The following C2CD3 variants were observed in gnomAD, a reference collection of about 807,000 sequenced individuals.
The protein encoded by C2CD3 is C2 domain-containing protein 3.
A neutral mutation model predicts 234.0 loss-of-function variants in C2CD3; 148 were observed. That is an observed-to-expected ratio of 0.63 (90% CI 0.55 to 0.72). The LOEUF (loss-of-function observed/expected upper bound fraction) is 0.72. Among genes scored for constraint, C2CD3 ranks in the 30% least tolerant of loss-of-function variants. The probability of loss-of-function intolerance (pLI) is 0.00; values close to 1 mark genes in which losing one functional copy is unlikely to be tolerated. For synonymous variants in C2CD3, 1,000 were observed against 1,035.4 expected, an observed-to-expected ratio of 0.97 and a Z score of 0.66; for missense variants, 2,577 against 2,811.5, an observed-to-expected ratio of 0.92 and a Z score of 1.89.
chr11:74,141,329 T>G (rs539188404), intron 3 of C2CD3, among the ~76,000 whole-genome samples: 1 of 152,198 alleles, frequency 6.6e-6, no homozygotes, highest in African/African-American at 2.4e-5. Context: ...AGCAATGCGG[T>G]GGGATGAATA....
chr11:74,107,525 C>T, intron 12 of C2CD3, among the ~76,000 whole-genome samples: 1 of 152,052 alleles, frequency 6.6e-6, no homozygotes, highest in East Asian at 1.9e-4. Context: ...CTAAAAGTTT[C>T]TAATAATATT....
chr11:74,033,730 G>A lies in C2CD3; in HGVS notation c.6430C>T (p.Gln2144Ter), dbSNP rs1482634158. The A allele has an allele frequency of 1.3e-6, 2 of 1,536,300 alleles. No individual in the cohort carries two copies. Among genetic ancestry groups the A allele is most frequent in the African/African-American group, 1.4e-5 (1 of 73,038 alleles). The change falls in exon 31 of 33, where the codon CAG becomes TAG. Residue 2144 changes from glutamine to a stop codon, truncating the protein, a stop_gained. Coordinates refer to ENST00000334126, the MANE Select transcript of C2CD3 (RefSeq NM_001286577.2). LOFTEE classifies it high-confidence loss of function. ...ERAVNPHLPR[Q>*]GSPSQSLVAC... ...ACAAGACTTTGGCTAGGAGAACCCT[G>A]CCTAGGCAGGTGGGGGTTGACAGCC...
rs1358472054 is a variant in C2CD3 at position 74,117,813 on chromosome 11, TG to T, written c.1520+414del. On this transcript the variant is annotated intron_variant, in intron 9 of 32. Coordinates refer to ENST00000334126, the MANE Select transcript of C2CD3 (RefSeq NM_001286577.2). The stretch of plus-strand genomic sequence containing the variant: ...CTGTAATCCTAGCTACTCGGGAGGC[TG>T]AGGCAGAAGAATTGCTTCAATCTGG... Among the ~76,000 whole-genome samples the T allele has an allele frequency of 2.6e-5, 4 of 151,294 alleles. No homozygotes were observed. The Admixed American group carries it at 2.6e-4, about 10-fold the overall frequency.
chr11:74,131,459 G>C (rs1957679117), intron 7 of C2CD3, among the ~76,000 whole-genome samples: 1 of 152,010 alleles, frequency 6.6e-6, no homozygotes. Flanking sequence ...CTTGGTCATA[G>C]TATAAAATTA....
At chr11:74,056,906 T>TC (rs1953975767) in intron 25 of C2CD3, among the ~76,000 whole-genome samples, 1 of 150,604 alleles carries the variant, frequency 6.6e-6, no homozygotes, top group Admixed American at 6.6e-5. Context: ...TTGTAATTTT[T>TC]TTTTTTTTTT....
chr11:74,168,704 T>G (rs1856963980), intron 1 of C2CD3, 91 bp from the exon 2 acceptor site: 1 of 1,212,980 alleles, frequency 8.2e-7, no homozygotes, highest in Non-Finnish European at 1.2e-6. Context: ...AACAGAACAC[T>G]TTAGTCTTAA....
At chr11:74,073,500 T>C (rs981949471) in intron 24 of C2CD3, among the ~76,000 whole-genome samples, 2 of 151,472 alleles carry the variant, frequency 1.3e-5, no homozygotes, top group South Asian at 2.1e-4. Context: ...GGCAGGAGAA[T>C]TGCTTGAAGC....
At chr11:74,103,086 C>T in intron 14 of C2CD3, 45 bp downstream of exon 14, 1 of 1,535,934 alleles carries the variant, frequency 6.5e-7, no homozygotes, top group Non-Finnish European at 8.8e-7. Flanking sequence ...GCATTTGTCT[C>T]TCACCCCTAT....
intron 11 of C2CD3, 174 bp from the exon 12 acceptor site, chr11:74,109,326 CAA>C (rs1956656866): frequency 7.6e-6 from 4 of 526,298 alleles, no homozygotes; most frequent in African/African-American, 5.9e-5. Flanking sequence ...TGAGCAGGGA[CAA>C]AGAGAAAACT....
Position 74,093,956 on chromosome 11 carries a change from A to G in C2CD3, c.3204T>C (p.Val1068=), listed in dbSNP as rs573555178. 6.2e-7 allele frequency: 1 copy of G among 1,614,074 alleles called. No individual in the cohort carries two copies. The highest frequency in any genetic ancestry group is 1.7e-5 in the Admixed American group (1 of 60,012). ...GTTCACTATTAAAGATGGGATCTGGAACACAGAGTGTGGTTGCAGTTCTGA... is the reference window on the plus strand; with the variant it reads ...GTTCACTATTAAAGATGGGATCTGGGACACAGAGTGTGGTTGCAGTTCTGA... ...KPFRTATTLC[V]PDPIFNSEHH... Residue 1068 remains valine, a synonymous_variant, in exon 18 of 33, where the codon GTT becomes GTC. Transcript: ENST00000334126.
In C2CD3 at chr11:74,012,835, G is replaced by A. The variant is rs1951743933; in HGVS notation, c.*550C>T. ...TTTTAGACAATCAGATAAAAAGTTT[G>A]AAGGAAGTGATTTCCCCTTCCTCTC... On this transcript the variant is annotated 3_prime_UTR_variant, in exon 33 of 33. Coordinates refer to ENST00000334126, the MANE Select transcript of C2CD3 (RefSeq NM_001286577.2). The A allele has an allele frequency of 6.6e-6, 1 of 152,186 alleles. No individual in the cohort carries two copies. The highest frequency in any genetic ancestry group is 1.5e-5 in the Non-Finnish European group (1 of 68,032). 9.4% of individuals were successfully genotyped at this position (152,186 alleles called of 1,614,324 possible). A position where few individuals can be genotyped will look rare whatever the true frequency, so the allele number is the denominator to read the frequency against.
rs1019800118 is a variant in C2CD3 at position 74,118,152 on chromosome 11, C to T, written c.1520+76G>A. 29 of 1,153,372 alleles carry T rather than the reference C, an allele frequency of 2.5e-5. No individual in the cohort carries two copies. The East Asian group carries it at 4.3e-4, about 17-fold the overall frequency. 71.4% of individuals were successfully genotyped at this position (1,153,372 alleles called of 1,614,324 possible). On this transcript the variant is annotated intron_variant, in intron 9 of 32. Transcript: ENST00000334126. ...CTCTGATGGTGCTGGGCAAATGGGTCATTTCACCTTGGGAGATCTTGTGAA... is the reference window on the plus strand; with the variant it reads ...CTCTGATGGTGCTGGGCAAATGGGTTATTTCACCTTGGGAGATCTTGTGAA...
At chr11:74,138,253 A>G (rs548435772) in intron 5 of C2CD3, among the ~76,000 whole-genome samples, 50 of 152,176 alleles carry the variant, frequency 3.3e-4, no homozygotes, top group Non-Finnish European at 6.6e-4. Context: ...CTATTTGGCC[A>G]CAGTCATTAT....
At position 74,138,722 on chromosome 11, in the gene C2CD3, G is replaced by A; in HGVS notation, c.953C>T (p.Ser318Leu). ...SNNLPTKDLL[S>L]ALLEQGNKLR... is the part of the protein sequence containing the mutation. ...TCAGTTCACAAATACATACATACCT[G>A]AAAGAAGATCCTTGGTAGGGAGGTT... Residue 318 changes from serine (S) to leucine (L), a missense_variant and splice_region_variant, in exon 5 of 33, where the codon TCA (serine) becomes TTA (leucine). Coordinates refer to ENST00000334126, the MANE Select transcript of C2CD3 (RefSeq NM_001286577.2). The A allele has an allele frequency of 6.2e-7, 1 of 1,611,748 alleles. No homozygotes were observed. Among genetic ancestry groups the A allele is most frequent in the South Asian group, 1.1e-5 (1 of 90,986 alleles).
At chr11:74,104,115 A>G (rs1956423929) in intron 13 of C2CD3, among the ~76,000 whole-genome samples, 1 of 152,242 alleles carries the variant, frequency 6.6e-6, no homozygotes. Context: ...CCATTTGACA[A>G]TCATCACAGT....
At chr11:74,089,079 A>G (rs1158614550) in intron 20 of C2CD3, among the ~76,000 whole-genome samples, 1 of 152,228 alleles carries the variant, frequency 6.6e-6, no homozygotes. Context: ...GTAAATATGT[A>G]CATATTTAAA....
chr11:74,150,515 AC>A (rs371069887), intron 3 of C2CD3, among the ~76,000 whole-genome samples: 3,170 of 64,230 alleles, frequency 0.049, 263 homozygotes, highest in African/African-American at 0.14. Flanking sequence ...AAAAAAAAAA[AC>A]AAAAAAAAAA....
rs995740016 is a variant in C2CD3 at position 74,049,673 on chromosome 11, G to A, written c.5156-131C>T. The stretch of plus-strand genomic sequence containing the variant: ...GATCCCAAAGCCATCAGAGAAGACA[G>A]ATAATGAAGTTGAGAGGGACTGGCA... On this transcript the variant is annotated intron_variant, in intron 26 of 32. Transcript: ENST00000334126. 29 of 685,372 alleles carry A rather than the reference G, an allele frequency of 4.2e-5. No individual in the cohort carries two copies. In the African/African-American group the frequency reaches 5.2e-4, roughly 12 times the overall value. 42.5% of individuals were successfully genotyped at this position (685,372 alleles called of 1,614,324 possible). A position where few individuals can be genotyped will look rare whatever the true frequency, so the allele number is the denominator to read the frequency against.
chr11:74,053,613 G>A (rs1344141772), intron 26 of C2CD3, among the ~76,000 whole-genome samples: 1 of 152,186 alleles, frequency 6.6e-6, no homozygotes, highest in Non-Finnish European at 1.5e-5. Context: ...CTTTCTTCTT[G>A]TGTACTACCT....
Sources: gnomAD v4.1 joint callset for allele counts (sites outside exome capture counted in the v4.1 genomes callset) on GRCh38, gnomAD v4.1.1 for gene constraint, MANE v1.5 for transcripts, NCBI Gene and HGNC (gene_info 2026-07-23, HGNC 2026-07-21) for gene names.